The following NAV2 variants were observed in gnomAD, a reference collection of about 807,000 sequenced individuals.
The protein encoded by NAV2 is neuron navigator 2.
Under a neutral mutation model 223.2 loss-of-function variants are expected in NAV2, and 54 were observed. The observed-to-expected ratio is 0.24, with a 90% CI of 0.19 to 0.30. The LOEUF is 0.30. NAV2 is among the 10% of genes least tolerant of loss of function. NAV2 has a pLI of 1.00. For missense variants in NAV2, 2,806 were observed against 3,147.5 expected (o/e 0.89, Z 2.60); for synonymous variants, 1,279 against 1,239.3 (o/e 1.03, Z -0.67).
In NAV2 at chr11:19,933,983, C is replaced by T; in HGVS notation, c.1739C>T (p.Pro580Leu). 1 of 1,597,604 alleles carries T rather than the reference C, an allele frequency of 6.3e-7. No individual in the cohort carries two copies. Among genetic ancestry groups the T allele is most frequent in the Non-Finnish European group, 8.5e-7 (1 of 1,173,394 alleles). ...ATGCCCGGGAAATCCCCAAGTGCCC[C>T]AGCGCCTTCCAAGGAAGGGGAGCGG... ...KSMPGKSPSA[P>L]APSKEGERSR... The change falls in exon 7 of 38, where the codon CCA (proline) becomes CTA (leucine). Residue 580 changes from proline (P) to leucine (L), a missense_variant. By Grantham distance (98) the Pro-to-Leu change is moderately conservative. Around this residue, in one of 4 missense-constraint regions of NAV2, gnomAD observed 1,167 missense variants for 1,180.5 expected, o/e 0.99. Coordinates refer to ENST00000349880, the MANE Select transcript of NAV2 (RefSeq NM_145117.5). The surrounding 1 kb of genome is among the most constrained non-coding windows in gnomAD (Gnocchi z 4.3).
At chr11:19,725,305 A>G (rs1045054938) in intron 1 of NAV2, among the ~76,000 whole-genome samples, 1 of 152,174 alleles carries the variant, frequency 6.6e-6, no homozygotes, top group African/African-American at 2.4e-5. Flanking sequence ...CTCCTTCCCC[A>G]CAGCATGGTC....
intron 1 of NAV2, among the ~76,000 whole-genome samples, chr11:19,411,622 C>T (rs1850148892): frequency 6.6e-6 from 1 of 152,118 alleles, no homozygotes; most frequent in African/African-American, 2.4e-5. Context: ...TGGAGATTTC[C>T]TTTCCACCTG....
intron 1 of NAV2, among the ~76,000 whole-genome samples, chr11:19,481,213 T>G (rs1013658700): frequency 2.0e-5 from 3 of 152,018 alleles, no homozygotes; most frequent in Admixed American, 1.3e-4. Context: ...ACTGGATGGA[T>G]AGGGACAATG....
chr11:19,933,372 C>A lies in NAV2; in HGVS notation c.1128C>A (p.Val376=). The part of the protein sequence containing the change: ...KHSATVSMLS[V]KPPGPEAPRP... Reference sequence around the variant, plus strand: ...GTGCCACGGTATCCATGCTCTCGGTCAAGCCTCCTGGGCCTGAGGCCCCCA... The same window carrying A: ...GTGCCACGGTATCCATGCTCTCGGTAAAGCCTCCTGGGCCTGAGGCCCCCA... The change falls in exon 7 of 38, where the codon GTC becomes GTA. Residue 376 remains valine (V), a synonymous_variant. Coordinates refer to ENST00000349880, the MANE Select transcript of NAV2 (RefSeq NM_145117.5). This position sits in a 1 kb window ranked among gnomAD's most constrained non-coding sequence, Gnocchi z 4.3. The A allele has an allele frequency of 6.3e-7, 1 of 1,591,944 alleles. No individual in the cohort carries two copies. Among genetic ancestry groups the A allele is most frequent in the Non-Finnish European group, 8.6e-7 (1 of 1,167,820 alleles).
chr11:19,454,944 CCAG>C (rs141876353), intron 1 of NAV2, among the ~76,000 whole-genome samples: 5,948 of 152,140 alleles, frequency 0.039, 286 homozygotes, highest in African/African-American at 0.11. Flanking sequence ...GGTCTCTGGG[CCAG>C]CAGCAGCAGC....
rs1283036418 is a variant in NAV2, at chr11:20,118,317, C to G, written c.*59C>G. The G allele has an allele frequency of 1.3e-6, 2 of 1,589,106 alleles. No individual in the cohort carries two copies. Among genetic ancestry groups the G allele is most frequent in the Non-Finnish European group, 1.7e-6 (2 of 1,165,976 alleles). On this transcript the variant is annotated 3_prime_UTR_variant, in exon 38 of 38. Coordinates refer to ENST00000349880, the MANE Select transcript of NAV2 (RefSeq NM_145117.5). ...CTCACCGCATTCCACCTGCATCCCCCACATCACCCTGAAGATGACTTCCTG... is the reference window on the plus strand; with the variant it reads ...CTCACCGCATTCCACCTGCATCCCCGACATCACCCTGAAGATGACTTCCTG...
chr11:20,028,786 C>T (rs879392525), intron 11 of NAV2, among the ~76,000 whole-genome samples: 2 of 152,078 alleles, frequency 1.3e-5, no homozygotes, highest in African/African-American at 2.4e-5. Context: ...TCAGTGGTGG[C>T]TTTAAGTATT....
At chr11:19,412,096 G>C (rs1427552137) in intron 1 of NAV2, among the ~76,000 whole-genome samples, 3 of 152,116 alleles carry the variant, frequency 2.0e-5, no homozygotes, top group Non-Finnish European at 4.4e-5. Flanking sequence ...CCTGGAAAGG[G>C]AGCTGAAGCC....
At chr11:19,945,205 T>C (rs894829520) in intron 8 of NAV2, among the ~76,000 whole-genome samples, 1,690 of 40,088 alleles carry the variant, frequency 0.042, 122 homozygotes, top group African/African-American at 0.11. Flanking sequence ...CCCTTCCCTT[T>C]CTTTCCTTTC....
At chr11:19,539,015 G>A (rs1036283685) in intron 1 of NAV2, among the ~76,000 whole-genome samples, 4 of 152,088 alleles carry the variant, frequency 2.6e-5, no homozygotes, top group Non-Finnish European at 5.9e-5. Context: ...CTTGGTAAAT[G>A]TTTGCTAACA....
rs532326420 is a variant in NAV2 at position 19,470,808 on chromosome 11, C to T, written c.75+119781C>T. ...AAGAACTACAGACTTGGATAAGGGG[C>T]TCCCTTGGCTTTGGGGAGAGCAATG... On this transcript the variant is annotated intron_variant, in intron 1 of 37. Coordinates refer to the NAV2 transcript ENST00000360655. Among the ~76,000 whole-genome samples the T allele has an allele frequency of 1.7e-4, 26 of 152,282 alleles. No individual in the cohort carries two copies. In the East Asian group the frequency reaches 4.8e-3, roughly 28 times the overall value.
At chr11:19,706,281 CA>C (rs1225557987) in intron 1 of NAV2, among the ~76,000 whole-genome samples, 3 of 152,140 alleles carry the variant, frequency 2.0e-5, no homozygotes, top group African/African-American at 7.2e-5. Flanking sequence ...AAGATGTAAA[CA>C]AAGGAATGTT....
intron 6 of NAV2, among the ~76,000 whole-genome samples, chr11:19,921,483 C>T (rs754231255): frequency 3.9e-5 from 6 of 152,178 alleles, no homozygotes; most frequent in Non-Finnish European, 7.3e-5. Flanking sequence ...TTAAAAAGAA[C>T]CTCCTGGAGG....
chr11:19,559,666 C>T (rs998024276), intron 1 of NAV2, among the ~76,000 whole-genome samples: 1 of 152,154 alleles, frequency 6.6e-6, no homozygotes, highest in Admixed American at 6.5e-5. Flanking sequence ...TAGCCATTTT[C>T]AAGTCTTCAA....
chr11:19,741,685 GTGTATATATATATATA>G (rs57685536), intron 1 of NAV2, among the ~76,000 whole-genome samples: 50,944 of 131,624 alleles, frequency 0.39, 11,009 homozygotes, highest in Admixed American at 0.48. Context: ...ATGTGTGTGT[GTGTATATATATATATA>G]TATATATATA....
At chr11:19,601,030 A>G (rs912039295) in intron 1 of NAV2, among the ~76,000 whole-genome samples, 5 of 152,204 alleles carry the variant, frequency 3.3e-5, no homozygotes, top group African/African-American at 1.2e-4. Flanking sequence ...AACAGCAGAT[A>G]CAGTCTTGTT....
intron 1 of NAV2, among the ~76,000 whole-genome samples, chr11:19,370,860 C>G (rs1234774240): frequency 6.6e-6 from 1 of 152,214 alleles, no homozygotes; most frequent in East Asian, 1.9e-4. Flanking sequence ...CAGCAGCCAG[C>G]TGGGCTCTCC....
chr11:20,080,190 A>T lies in NAV2; in HGVS notation c.5306A>T (p.Lys1769Met). The change falls in exon 25 of 38, where the codon AAG becomes ATG. Residue 1769 changes from lysine to methionine, a missense_variant. Lys to Met is a moderately conservative substitution (Grantham distance 95). This residue lies in a region of NAV2 where 824 missense variants were observed against 1,069.4 expected (regional missense o/e 0.77). Coordinates refer to ENST00000349880, the MANE Select transcript of NAV2 (RefSeq NM_145117.5). ...AGCAACATAGAGAGTGACTCAAAGAAGAAGAAGCGGAAGAACTGGGTGAGT... is the reference window on the plus strand; with the variant it reads ...AGCAACATAGAGAGTGACTCAAAGATGAAGAAGCGGAAGAACTGGGTGAGT... ...VGSNIESDSKKKKRKNWLRSS... is the reference protein window; with the variant it reads ...VGSNIESDSKMKKRKNWLRSS... The T allele has an allele frequency of 6.2e-7, 1 of 1,613,864 alleles. No homozygotes were observed. Among genetic ancestry groups the T allele is most frequent in the Non-Finnish European group, 8.5e-7 (1 of 1,179,854 alleles).
Position 19,555,386 on chromosome 11 carries a change from C to T in NAV2, c.75+204359C>T, listed in dbSNP as rs73420198. On this transcript the variant is annotated intron_variant, in intron 1 of 37. Coordinates refer to the NAV2 transcript ENST00000360655. ...ACCTTGGGCAAGGCAGCTCTTTCAT[C>T]CAGTGCAATTCCTGGGGACGAACTA... Among the ~76,000 whole-genome samples the T allele has an allele frequency of 4.0e-3, 605 of 152,334 alleles. 7 individuals are homozygous for T. The highest frequency in any genetic ancestry group is 0.014 in the African/African-American group (576 of 41,568).
Sources: gnomAD v4.1 joint callset for allele counts (sites outside exome capture counted in the v4.1 genomes callset) on GRCh38, gnomAD v4.1.1 for gene constraint, gnomAD v4.1.1 regional missense constraint, Gnocchi (gnomAD v3.1) non-coding constraint, MANE v1.5 for transcripts, NCBI Gene and HGNC (gene_info 2026-07-23, HGNC 2026-07-21) for gene names.